AFF4: variants seen among roughly 807,000 people sequenced by gnomAD.
AFF4 encodes ALF transcription elongation factor 4.
A neutral mutation model predicts 124.8 loss-of-function variants in AFF4; 13 were observed. The ratio of observed to expected loss-of-function variants is 0.10; its 90% CI spans 0.07 to 0.17. The LOEUF (loss-of-function observed/expected upper bound fraction) is 0.17. Ranked by LOEUF, AFF4 falls within the 10% of genes least tolerant of loss-of-function variation. The probability of loss-of-function intolerance (pLI) is 1.00; values close to 1 mark genes in which losing one functional copy is unlikely to be tolerated. For missense variants in AFF4, 1,092 were observed against 1,403.8 expected (o/e 0.78, Z 3.55); for synonymous variants, 477 against 496.1 (o/e 0.96, Z 0.51).
intron 2 of AFF4, 23 bp from the exon 3 acceptor site, chr5:132,934,964 A>G: frequency 1.4e-6 from 2 of 1,461,504 alleles, no homozygotes; most frequent in Non-Finnish European, 9.1e-7. Context: ...AAAATAAAAT[A>G]AAATTATAAA....
intron 1 of AFF4, among the ~76,000 whole-genome samples, chr5:132,947,340 T>C (rs1029942975): frequency 6.6e-6 from 1 of 152,026 alleles, no homozygotes; most frequent in Admixed American, 6.6e-5. Context: ...GAGGCAAAAA[T>C]TGCAGTGAGC....
At chr5:132,949,746 C>G (rs895936698) in intron 1 of AFF4, among the ~76,000 whole-genome samples, 1 of 151,316 alleles carries the variant, frequency 6.6e-6, no homozygotes, top group Non-Finnish European at 1.5e-5. Context: ...CCCGCAGTCC[C>G]GGCTACTCGG....
intron 13 of AFF4, chr5:132,891,842 G>C: frequency 2.5e-6 from 1 of 395,018 alleles, no homozygotes; most frequent in Non-Finnish European, 4.5e-6. Flanking sequence ...TTTACAGACA[G>C]GGTCTCACCA....
At chr5:132,916,266 A>T (rs1348447915) in intron 5 of AFF4, among the ~76,000 whole-genome samples, 1 of 137,818 alleles carries the variant, frequency 7.3e-6, no homozygotes, top group Non-Finnish European at 1.6e-5. Flanking sequence ...AAAAAAAAAA[A>T]GAATCACTTA....
intron 1 of AFF4, among the ~76,000 whole-genome samples, chr5:132,938,219 C>A (rs1469201503): frequency 1.3e-5 from 2 of 151,208 alleles, no homozygotes; most frequent in African/African-American, 4.9e-5. Flanking sequence ...TAAAGTTCAT[C>A]AGAAACTATA....
In AFF4 at chr5:132,889,189, T is replaced by C. The variant is rs374993401; in HGVS notation, c.2638-16A>G. On this transcript the variant is annotated splice_polypyrimidine_tract_variant and intron_variant, in intron 13 of 20. Coordinates refer to ENST00000265343, the MANE Select transcript of AFF4 (RefSeq NM_014423.4). ...GAGCCTTTTCCTGACCAAAAAAATA[T>C]ATAACTACAATGAAAACCGTAAGGA... 3 of 1,564,710 alleles carry C rather than the reference T, an allele frequency of 1.9e-6. No homozygotes were observed. The highest frequency in any genetic ancestry group is 2.2e-5 in the East Asian group (1 of 44,680).
intron 1 of AFF4, among the ~76,000 whole-genome samples, chr5:132,940,158 C>G (rs1008597628): frequency 1.3e-5 from 2 of 151,682 alleles, no homozygotes; most frequent in Non-Finnish European, 2.9e-5. Context: ...CAAGATCGCA[C>G]CACTGGACTC....
At chr5:132,928,217 A>T (rs1048010001) in intron 4 of AFF4, among the ~76,000 whole-genome samples, 24 of 151,218 alleles carry the variant, frequency 1.6e-4, no homozygotes, top group East Asian at 3.9e-4. Flanking sequence ...TTATATATTT[A>T]AAAAAAAACA....
At chr5:132,945,710 C>CCACTG (rs1351287589) in intron 1 of AFF4, among the ~76,000 whole-genome samples, 1 of 151,980 alleles carries the variant, frequency 6.6e-6, no homozygotes. Context: ...CAACACTGCA[C>CCACTG]CACTGCACTG....
chr5:132,940,368 G>GT (rs1761539544), intron 1 of AFF4, among the ~76,000 whole-genome samples: 1 of 151,430 alleles, frequency 6.6e-6, no homozygotes, highest in African/African-American at 2.4e-5. Flanking sequence ...GGGCGTGGCG[G>GT]TGGGCGCCTG....
At position 132,881,321 on chromosome 5, in the gene AFF4, A is replaced by G. The variant is rs190665986; in HGVS notation, c.3365-135T>C. 5.1e-4 allele frequency: 470 copies of G among 925,322 alleles called. 1 individual carries two copies. The highest frequency in any genetic ancestry group is 4.2e-3 in the African/African-American group (246 of 59,062). The allele number at this position is 925,322 out of a possible 1,614,324, so 57.3% of individuals were successfully genotyped here. On this transcript the variant is annotated intron_variant, in intron 20 of 20. Transcript: ENST00000265343. ...TCCTACACTAAAATGCTTACTGTCC[A>G]TGTTTTAGAGCAAATCATTCCATAG...
At chr5:132,914,781 G>A (rs1760870273) in intron 5 of AFF4, among the ~76,000 whole-genome samples, 1 of 151,980 alleles carries the variant, frequency 6.6e-6, no homozygotes, top group Admixed American at 6.6e-5. Flanking sequence ...CCGGAATAGG[G>A]AATAAGAGAA....
In AFF4 at chr5:132,876,519, G is replaced by T; in HGVS notation, c.*4540C>A. On this transcript the variant is annotated 3_prime_UTR_variant, in exon 21 of 21. Transcript: ENST00000265343. ...AGAATGGCAAGTTATGTTTAGCTGA[G>T]TAACAGTGGCAAGGAGAGGTCAATG... 1 of 215,444 alleles carries T rather than the reference G, an allele frequency of 4.6e-6. No homozygotes were observed. The highest frequency in any genetic ancestry group is 9.4e-6 in the Non-Finnish European group (1 of 106,512). 13.3% of individuals were successfully genotyped at this position (215,444 alleles called of 1,614,324 possible).
Position 132,885,436 on chromosome 5 carries a change from G to GT in AFF4, c.3100-318dup, listed in dbSNP as rs559640014. Among the ~76,000 whole-genome samples the GT allele has an allele frequency of 3.0e-3, 322 of 106,706 alleles. 2 individuals are homozygous for GT. Among genetic ancestry groups the GT allele is most frequent in the South Asian group, 4.6e-3 (14 of 3,012 alleles). The allele number at this position is 106,706 out of a possible 152,430, so 70.0% of individuals were successfully genotyped here. ...GGAGTAGCTGCAGTGAGCCATGATC[G>GT]TTTTTTTTAAAAAACTCCCTCTTAA... On this transcript the variant is annotated intron_variant, in intron 18 of 20. Transcript: ENST00000265343.
chr5:132,960,818 C>T (rs1243510838), intron 1 of AFF4, among the ~76,000 whole-genome samples: 1 of 152,054 alleles, frequency 6.6e-6, no homozygotes, highest in East Asian at 1.9e-4. Context: ...CTCAAAGACC[C>T]TGTAACAGAT....
At chr5:132,927,879 T>C (rs1026722359) in intron 4 of AFF4, among the ~76,000 whole-genome samples, 3 of 152,224 alleles carry the variant, frequency 2.0e-5, no homozygotes, top group Non-Finnish European at 4.4e-5. Context: ...TTTGATTTCA[T>C]TCAATGCCTT....
chr5:132,877,060 T>C lies in AFF4; in HGVS notation c.*3999A>G, dbSNP rs1759855563. 1 of 201,700 alleles carries C rather than the reference T, an allele frequency of 5.0e-6. No homozygotes were observed. Among genetic ancestry groups the C allele is most frequent in the South Asian group, 1.9e-4 (1 of 5,256 alleles). 12.5% of individuals were successfully genotyped at this position (201,700 alleles called of 1,614,324 possible). A position where few individuals can be genotyped will look rare whatever the true frequency, so the allele number is the denominator to read the frequency against. ...AAGCTGAAATGAAATTTATGTTCCATGTATTAGGGGATATACAGGTATGAT... is the reference window on the plus strand; with the variant it reads ...AAGCTGAAATGAAATTTATGTTCCACGTATTAGGGGATATACAGGTATGAT... On this transcript the variant is annotated 3_prime_UTR_variant, in exon 21 of 21. Transcript: ENST00000265343.
intron 6 of AFF4, among the ~76,000 whole-genome samples, chr5:132,903,111 AGAT>A (rs1760590451): frequency 6.6e-6 from 1 of 152,240 alleles, no homozygotes; most frequent in African/African-American, 2.4e-5. Flanking sequence ...CATTCTTAAA[AGAT>A]GACGACTAGG....
At chr5:132,942,404 C>A (rs902531669) in intron 1 of AFF4, among the ~76,000 whole-genome samples, 5 of 151,434 alleles carry the variant, frequency 3.3e-5, no homozygotes, top group Non-Finnish European at 2.9e-5. Flanking sequence ...CCTCTCACTA[C>A]ATGAACATGT....
Sources: allele counts gnomAD v4.1 joint callset (sites outside exome capture counted in the v4.1 genomes callset), GRCh38; gene constraint gnomAD v4.1.1; transcripts MANE v1.5; gene names NCBI Gene and HGNC (gene_info 2026-07-23, HGNC 2026-07-21).